KMT5A: variants seen among roughly 807,000 people sequenced by gnomAD.
KMT5A encodes the protein N-lysine methyltransferase KMT5A.
Under a neutral mutation model 40.6 loss-of-function variants are expected in KMT5A, and 6 were observed. That is an observed-to-expected ratio of 0.15 (90% CI 0.08 to 0.29). KMT5A has a LOEUF of 0.29. Ranked by LOEUF, KMT5A falls within the 10% of genes least tolerant of loss-of-function variation. KMT5A has a pLI of 1.00. For missense variants in KMT5A, 308 were observed against 459.1 expected, an observed-to-expected ratio of 0.67 and a Z score of 3.01; for synonymous variants, 153 against 178.8, an observed-to-expected ratio of 0.86 and a Z score of 1.15.
chr12:123,389,920 G>C (rs1324745366), intron 2 of KMT5A: 1 of 381,022 alleles, frequency 2.6e-6, no homozygotes, highest in East Asian at 7.2e-5. Flanking sequence ...GCCCTCCTCC[G>C]TCTGTACTTA....
intron 7 of KMT5A, among the ~76,000 whole-genome samples, chr12:123,405,962 C>A (rs1214863793): frequency 6.6e-6 from 1 of 151,766 alleles, no homozygotes; most frequent in Non-Finnish European, 1.5e-5. Flanking sequence ...TGGGACTACA[C>A]ACACATGCCA....
intron 5 of KMT5A, among the ~76,000 whole-genome samples, chr12:123,397,652 G>T (rs1877833308): frequency 1.4e-5 from 2 of 144,972 alleles, no homozygotes; most frequent in African/African-American, 2.5e-5. Flanking sequence ...GTGGGAGGCT[G>T]TGCTAGGTCA....
chr12:123,400,393 C>T (rs1878061198), intron 5 of KMT5A, among the ~76,000 whole-genome samples: 1 of 148,730 alleles, frequency 6.7e-6, no homozygotes, highest in South Asian at 2.1e-4. Flanking sequence ...CAGAGTCTCA[C>T]TCTGTAGCCC....
At chr12:123,403,080 A>G (rs1049069384) in intron 5 of KMT5A, among the ~76,000 whole-genome samples, 3 of 152,232 alleles carry the variant, frequency 2.0e-5, no homozygotes, top group South Asian at 4.1e-4. Context: ...TAATTTTTGT[A>G]TCTTTAATAG....
chr12:123,389,466 C>T lies in KMT5A; in HGVS notation c.44C>T (p.Ala15Val), dbSNP rs1160486006. The T allele has an allele frequency of 2.8e-6, 3 of 1,064,098 alleles. No individual in the cohort carries two copies. The highest frequency in any genetic ancestry group is 2.3e-6 in the Non-Finnish European group (2 of 882,138). The allele number at this position is 1,064,098 out of a possible 1,614,324, so 65.9% of individuals were successfully genotyped here. A position where few individuals can be genotyped will look rare whatever the true frequency, so the allele number is the denominator to read the frequency against. The change falls in exon 2 of 8, where the codon GCG (alanine) becomes GTG (valine). Residue 15 changes from alanine to valine, a missense_variant. Physicochemically the swap from Ala to Val is moderately conservative, Grantham distance 64. Around this residue, in one of 4 missense-constraint regions of KMT5A, gnomAD observed 92 missense variants for 78.3 expected, o/e 1.18. Coordinates refer to ENST00000402868, the MANE Select transcript of KMT5A (RefSeq NM_020382.7). ...RKMSKPRAVE[A>V]AAAAAAVAAT... ...ATGTCCAAGCCCCGCGCGGTGGAGGCGGCGGCGGCGGCGGCGGCGGTGGCA... is the reference window on the plus strand; with the variant it reads ...ATGTCCAAGCCCCGCGCGGTGGAGGTGGCGGCGGCGGCGGCGGCGGTGGCA...
Position 123,395,169 on chromosome 12 carries a change from C to G in KMT5A, c.412C>G (p.Pro138Ala). ...PNQKSEAAEP[P>A]KTPPSSCDST... is the part of the protein sequence containing the mutation. ...CCAAAAATCTGAAGCAGCAGAACCT[C>G]CAAAAACTCCACCCTCATCTTGTGA... The change falls in exon 4 of 8, where the codon CCA (proline) becomes GCA (alanine). Residue 138 changes from proline (P) to alanine (A), a missense_variant. Pro to Ala is a conservative substitution (Grantham distance 27). Around this residue, in one of 4 missense-constraint regions of KMT5A, gnomAD observed 127 missense variants for 129.8 expected, o/e 0.98. Transcript: ENST00000402868. 1 of 1,612,726 alleles carries G rather than the reference C, an allele frequency of 6.2e-7. No homozygotes were observed. Among genetic ancestry groups the G allele is most frequent in the East Asian group, 2.2e-5 (1 of 44,868 alleles).
In KMT5A at chr12:123,384,246, CGG is replaced by C. The variant is rs772667896; in HGVS notation, c.10+42_10+43del. 6.2e-7 allele frequency: 1 copy of C among 1,610,226 alleles called. No homozygotes were observed. ...GTGGCCGGCACCGGAGCGGCTGGGT[CGG>C]GGGTCGTGCTGGAGGGGTTGCCGGG... On this transcript the variant is annotated intron_variant, in intron 1 of 7. Transcript: ENST00000402868. This position sits in a 1 kb window ranked among gnomAD's most constrained non-coding sequence, Gnocchi z 5.7.
In KMT5A at chr12:123,408,875, CAG is replaced by C. The variant is rs1207695957; in HGVS notation, c.*1173_*1174del. On this transcript the variant is annotated 3_prime_UTR_variant, in exon 8 of 8. Transcript: ENST00000402868. ...GCACCCAGGTGTGCAGGGGAGCACACAGGGCCCGGCAGCCCCCAGGAATCAAG... is the reference window on the plus strand; with the variant it reads ...GCACCCAGGTGTGCAGGGGAGCACACGGCCCGGCAGCCCCCAGGAATCAAG... The C allele has an allele frequency of 1.3e-5, 2 of 152,652 alleles. No individual in the cohort carries two copies. The highest frequency in any genetic ancestry group is 2.4e-5 in the African/African-American group (1 of 41,460). 9.5% of individuals were successfully genotyped at this position (152,652 alleles called of 1,614,324 possible).
rs1878728333 is a variant in KMT5A at position 123,408,373 on chromosome 12, G to A, written c.*670G>A. Reference sequence around the variant, plus strand: ...ATCAGGGCGTGAAATCAAACTAGATGTGGGCAGGGAGAGGGTTGCTTACCT... The same window carrying A: ...ATCAGGGCGTGAAATCAAACTAGATATGGGCAGGGAGAGGGTTGCTTACCT... On this transcript the variant is annotated 3_prime_UTR_variant, in exon 8 of 8. Transcript: ENST00000402868. 6.6e-6 allele frequency: 1 copy of A among 152,506 alleles called. No individual in the cohort carries two copies. Among genetic ancestry groups the A allele is most frequent in the African/African-American group, 2.4e-5 (1 of 41,410 alleles). 9.4% of individuals were successfully genotyped at this position (152,506 alleles called of 1,614,324 possible).
At chr12:123,385,242 G>T (rs1876803770) in intron 1 of KMT5A, among the ~76,000 whole-genome samples, 1 of 152,036 alleles carries the variant, frequency 6.6e-6, no homozygotes, top group African/African-American at 2.4e-5. Flanking sequence ...ATCCCTAGAG[G>T]TTCTTTTGGG....
At position 123,396,423 on chromosome 12, in the gene KMT5A, C is replaced by T. The variant is rs1337688221; in HGVS notation, c.588C>T (p.Ala196=). 3.1e-6 allele frequency: 5 copies of T among 1,613,988 alleles called. No individual in the cohort carries two copies. Among genetic ancestry groups the T allele is most frequent in the Admixed American group, 1.7e-5 (1 of 60,006 alleles). Residue 196 remains alanine (A), a synonymous_variant, in exon 5 of 8, where the codon GCC becomes GCT. Transcript: ENST00000402868. The stretch of plus-strand genomic sequence containing the variant: ...GAAGGAGCTCCAGGAAGAGCAAAGC[C>T]GAGCTGCAGGTAGTCACGTGCTTTA... ...PVRRSSRKSK[A]ELQSEERKRI...
chr12:123,402,416 C>G (rs1368955183), intron 5 of KMT5A, among the ~76,000 whole-genome samples: 2 of 152,182 alleles, frequency 1.3e-5, no homozygotes, highest in Non-Finnish European at 2.9e-5. Context: ...TGGCACATTG[C>G]AGGTGTGGAT....
chr12:123,405,325 A>G (rs1878455683), intron 7 of KMT5A, among the ~76,000 whole-genome samples: 1 of 150,694 alleles, frequency 6.6e-6, no homozygotes, highest in South Asian at 2.1e-4. Context: ...AGAGTAGCCC[A>G]GCTAATTTTT....
intron 1 of KMT5A, 45 bp from the exon 2 acceptor site, chr12:123,389,388 C>T (rs1288514916): frequency 2.9e-6 from 3 of 1,027,756 alleles, no homozygotes; most frequent in Non-Finnish European, 3.5e-6. Context: ...CCCCGCCGCG[C>T]CCTGAGCGCC....
Position 123,407,692 on chromosome 12 carries a change from C to T in KMT5A, c.1048C>T (p.Leu350=). 3 of 1,613,076 alleles carry T rather than the reference C, an allele frequency of 1.9e-6. No homozygotes were observed. The highest frequency in any genetic ancestry group is 2.5e-6 in the Non-Finnish European group (3 of 1,179,560). ...SKASIEAHPW[L]KH ...GGCTTCCATTGAAGCCCACCCGTGGCTGAAGCATTAACCGGTGGGCCCCGT... is the reference window on the plus strand; with the variant it reads ...GGCTTCCATTGAAGCCCACCCGTGGTTGAAGCATTAACCGGTGGGCCCCGT... The change falls in exon 8 of 8, where the codon CTG becomes TTG. Residue 350 remains leucine, a synonymous_variant. Transcript: ENST00000402868.
chr12:123,392,436 T>C (rs1309505633), intron 3 of KMT5A, among the ~76,000 whole-genome samples: 2 of 152,156 alleles, frequency 1.3e-5, no homozygotes, highest in South Asian at 2.1e-4. Flanking sequence ...GGCAGGAGGA[T>C]TGCTTGAGCC....
chr12:123,389,150 G>GCAGC (rs1292804669), intron 1 of KMT5A: 7 of 5,412 alleles, frequency 1.3e-3, no homozygotes, highest in Non-Finnish European at 2.9e-3. Context: ...CGAGGGCGCG[G>GCAGC]GGCGCGCCGC....
chr12:123,385,813 C>T (rs1306062568), intron 1 of KMT5A, among the ~76,000 whole-genome samples: 1 of 152,082 alleles, frequency 6.6e-6, no homozygotes, highest in Non-Finnish European at 1.5e-5. Flanking sequence ...GATTACGTCA[C>T]CGCACTCCAG....
chr12:123,394,768 C>T (rs908188180), intron 3 of KMT5A, among the ~76,000 whole-genome samples: 1 of 152,190 alleles, frequency 6.6e-6, no homozygotes, highest in Non-Finnish European at 1.5e-5. Flanking sequence ...CCAGCGTCTC[C>T]GTCTCTGGTG....
Sources: gnomAD v4.1 joint callset for allele counts (sites outside exome capture counted in the v4.1 genomes callset) on GRCh38, gnomAD v4.1.1 for gene constraint, gnomAD v4.1.1 regional missense constraint, Gnocchi (gnomAD v3.1) non-coding constraint, MANE v1.5 for transcripts, NCBI Gene and HGNC (gene_info 2026-07-23, HGNC 2026-07-21) for gene names.